Variants in DNAH8 observed in about 807,000 individuals in gnomAD.
DNAH8 encodes axonemal beta dynein heavy chain 8.
A neutral mutation model predicts 562.1 loss-of-function variants in DNAH8; 382 were observed. The observed-to-expected ratio is 0.68, with a 90% confidence interval of 0.63 to 0.74. The LOEUF (loss-of-function observed/expected upper bound fraction) is 0.74. DNAH8 is among the 30% of genes least tolerant of loss of function. DNAH8 has a pLI of 0.00. For missense variants in DNAH8, 5,203 were observed against 5,620.4 expected (o/e 0.93, Z 2.37); for synonymous variants, 1,881 against 1,919.4 (o/e 0.98, Z 0.52).
intron 91 of DNAH8, among the ~76,000 whole-genome samples, chr6:39,013,920 A>T (rs951900977): frequency 6.6e-6 from 1 of 151,984 alleles, no homozygotes; most frequent in African/African-American, 2.4e-5. Flanking sequence ...GGGCCCAGGA[A>T]TGTTTCACTT....
At chr6:38,779,369 A>G (rs1441024018) in intron 14 of DNAH8, among the ~76,000 whole-genome samples, 2 of 151,532 alleles carry the variant, frequency 1.3e-5, no homozygotes, top group Non-Finnish European at 2.9e-5. Flanking sequence ...CTGTCTCTCT[A>G]TTTCTCTCTG....
Position 38,872,598 on chromosome 6 carries a change from G to T in DNAH8, c.7053G>T (p.Lys2351Asn). ...CTCTTGGGCCCAGTGGTTCTGGAAAGACAACCGTTATCACGATTCTAATGA... is the reference window on the plus strand; with the variant it reads ...CTCTTGGGCCCAGTGGTTCTGGAAATACAACCGTTATCACGATTCTAATGA... ...LMTLGPSGSG[K>N]TTVITILMKA... is the part of the protein sequence containing the mutation. The change falls in exon 50 of 93, where the codon AAG becomes AAT. Residue 2351 changes from lysine (K) to asparagine (N), a missense_variant. Around this residue, in one of 6 missense-constraint regions of DNAH8, gnomAD observed 2,176 missense variants for 2,365.1 expected, o/e 0.92. Transcript: ENST00000327475. 1 of 1,614,088 alleles carries T rather than the reference G, an allele frequency of 6.2e-7. No individual in the cohort carries two copies. Among genetic ancestry groups the T allele is most frequent in the Non-Finnish European group, 8.5e-7 (1 of 1,179,966 alleles).
Position 38,823,581 on chromosome 6 carries a change from CCT to C in DNAH8, c.3745_3746del (p.Leu1249AspfsTer2). On this transcript the variant is annotated frameshift_variant, in exon 28 of 93. Transcript: ENST00000327475. LOFTEE classifies it high-confidence loss of function. ...CCACAGGAATTTTTGGCTAACAACC[CCT>C]CTCTGACTGAAATCAGATCAGAAAT... 2 of 1,608,966 alleles carry C rather than the reference CCT, an allele frequency of 1.2e-6. No homozygotes were observed. Among genetic ancestry groups the C allele is most frequent in the Non-Finnish European group, 1.7e-6 (2 of 1,176,192 alleles).
chr6:38,813,917 T>A (rs538656990), intron 24 of DNAH8, 137 bp from the exon 25 acceptor site: 2 of 707,468 alleles, frequency 2.8e-6, no homozygotes, highest in Admixed American at 2.6e-5. Context: ...TAGGGTTCTG[T>A]TATAAGTAAT....
At chr6:38,849,801 T>TG (rs1379997534) in intron 37 of DNAH8, among the ~76,000 whole-genome samples, 5 of 152,128 alleles carry the variant, frequency 3.3e-5, no homozygotes, top group African/African-American at 7.2e-5. Context: ...CTTTGTTTTG[T>TG]GGCTTTACTG....
In DNAH8 at chr6:38,848,684, G is replaced by A. The variant is rs776961753; in HGVS notation, c.5082G>A (p.Trp1694Ter). Residue 1694 changes from tryptophan to a stop codon, truncating the protein, a stop_gained, in exon 37 of 93, where the codon TGG becomes TGA. Transcript: ENST00000327475. LOFTEE classifies it high-confidence loss of function. ...NAPFKKNIQN[W>*]VYKLSTSSDI... ...CATTTAAAAAAAATATCCAGAATTG[G>A]GTGTATAAATTGTCCACTTCCTCAG... 1 of 1,611,096 alleles carries A rather than the reference G, an allele frequency of 6.2e-7. No individual in the cohort carries two copies. Among genetic ancestry groups the A allele is most frequent in the African/African-American group, 1.3e-5 (1 of 74,684 alleles).
chr6:38,751,016 CAAAT>C (rs1225489567), intron 9 of DNAH8, among the ~76,000 whole-genome samples: 2 of 152,124 alleles, frequency 1.3e-5, no homozygotes, highest in Non-Finnish European at 2.9e-5. Context: ...TGCTGCATAA[CAAAT>C]AACCTCAGAA....
chr6:38,746,550 GA>G (rs1218831629), intron 8 of DNAH8, among the ~76,000 whole-genome samples: 1 of 150,308 alleles, frequency 6.7e-6, no homozygotes, highest in African/African-American at 2.5e-5. Flanking sequence ...CATTTATAAT[GA>G]ATTTTTTTAT....
At position 38,852,584 on chromosome 6, in the gene DNAH8, TA is replaced by T. The variant is rs536927463; in HGVS notation, c.5467-107del. 1,118 of 731,942 alleles carry T rather than the reference TA, an allele frequency of 1.5e-3. 23 individuals carry two copies. In the South Asian group the frequency reaches 0.023, roughly 15 times the overall value. 45.3% of individuals were successfully genotyped at this position (731,942 alleles called of 1,614,324 possible). A position where few individuals can be genotyped will look rare whatever the true frequency, so the allele number is the denominator to read the frequency against. ...AGTCTCTCTCTATTTTTTGAGACAA[TA>T]AAGTAAATACTTAACCTTTTAAAAA... On this transcript the variant is annotated intron_variant, in intron 39 of 92. Coordinates refer to ENST00000327475, the MANE Select transcript of DNAH8 (RefSeq NM_001206927.2).
chr6:38,993,118 A>G (rs1287752495), intron 88 of DNAH8, among the ~76,000 whole-genome samples: 1 of 152,184 alleles, frequency 6.6e-6, no homozygotes. Context: ...TTCCAGTTGT[A>G]TACCTCAGGG....
At chr6:38,985,526 C>T (rs980669187) in intron 87 of DNAH8, among the ~76,000 whole-genome samples, 1 of 152,112 alleles carries the variant, frequency 6.6e-6, no homozygotes, top group Non-Finnish European at 1.5e-5. Context: ...ATATGGAGAA[C>T]TGTGAAAAAT....
At chr6:38,788,349 A>G (rs1769380622) in intron 18 of DNAH8, among the ~76,000 whole-genome samples, 1 of 152,048 alleles carries the variant, frequency 6.6e-6, no homozygotes, top group South Asian at 2.1e-4. Flanking sequence ...ACGGGGTTTC[A>G]CCATGTTGGC....
In DNAH8 at chr6:38,842,846, T is replaced by C; in HGVS notation, c.4788T>C (p.Ser1596=). The change falls in exon 35 of 93, where the codon TCT becomes TCC. Residue 1596 remains serine (S), a synonymous_variant. Transcript: ENST00000327475. ...TGTPFDVESD[S]FCLRNIMEAP... is the part of the protein sequence containing the mutation. ...CCCCATTTGATGTGGAATCTGATTC[T>C]TTTTGCCTTAGAAATATCATGGAAG... 6.2e-7 allele frequency: 1 copy of C among 1,613,876 alleles called. No homozygotes were observed. Among genetic ancestry groups the C allele is most frequent in the Non-Finnish European group, 8.5e-7 (1 of 1,179,862 alleles).
chr6:38,720,273 A>G (rs1762645571), intron 1 of DNAH8, among the ~76,000 whole-genome samples: 1 of 152,208 alleles, frequency 6.6e-6, no homozygotes, highest in Admixed American at 6.5e-5. Flanking sequence ...GCCAGAGATG[A>G]AGGAGGGAGA....
At chr6:38,973,972 A>T (rs1763511374) in intron 84 of DNAH8, among the ~76,000 whole-genome samples, 159 bp downstream of exon 84, 1 of 152,214 alleles carries the variant, frequency 6.6e-6, no homozygotes, top group Admixed American at 6.5e-5. Context: ...TCTTGACATC[A>T]AGGTTAGACT....
chr6:38,923,551 T>C (rs1030644923), intron 72 of DNAH8: 2 of 173,860 alleles, frequency 1.2e-5, no homozygotes, highest in Non-Finnish European at 1.2e-5. Context: ...CTGGTGTCTG[T>C]TGGTGTCCTT....
intron 33 of DNAH8, among the ~76,000 whole-genome samples, chr6:38,838,633 T>C (rs1419553116): frequency 1.3e-5 from 2 of 151,918 alleles, no homozygotes; most frequent in Non-Finnish European, 2.9e-5. Flanking sequence ...TCTCCTGACC[T>C]CGTGATCCGC....
At chr6:38,716,394 C>T (rs182964586) in intron 1 of DNAH8, among the ~76,000 whole-genome samples, 1 of 152,144 alleles carries the variant, frequency 6.6e-6, no homozygotes, top group Non-Finnish European at 1.5e-5. Context: ...ACCACTTTTC[C>T]CAAGATAGTT....
rs1043178849 is a variant in DNAH8, at chr6:38,900,866, G to A, written c.9194+960G>A. 4.6e-5 allele frequency among the ~76,000 whole-genome samples: 7 copies of A among 152,034 alleles called. No homozygotes were observed. The East Asian group carries it at 5.8e-4, about 13-fold the overall frequency. On this transcript the variant is annotated intron_variant, in intron 62 of 92. Coordinates refer to ENST00000327475, the MANE Select transcript of DNAH8 (RefSeq NM_001206927.2). The stretch of plus-strand genomic sequence containing the variant: ...TCCTGACCTCAAGTGATCAACCCGC[G>A]TCGGCCTCCCAAAATTATAGGCGTG...
Sources: gnomAD v4.1 joint callset for allele counts (sites outside exome capture counted in the v4.1 genomes callset) on GRCh38, gnomAD v4.1.1 for gene constraint, gnomAD v4.1.1 regional missense constraint, MANE v1.5 for transcripts, NCBI Gene and HGNC (gene_info 2026-07-23, HGNC 2026-07-21) for gene names.